The following EBF1 variants were observed in gnomAD, a reference collection of about 807,000 sequenced individuals.
The protein encoded by EBF1 is EBF transcription factor 1, also known as transcription factor COE1.
In EBF1, 10 loss-of-function variants were observed where a neutral mutation model predicts 68.4. The ratio of observed to expected loss-of-function variants is 0.15; its 90% CI spans 0.09 to 0.25. The LOEUF is 0.25. Ranked by LOEUF, EBF1 falls within the 10% of genes least tolerant of loss-of-function variation. The pLI is 1.00. For missense variants in EBF1, 509 were observed against 794.4 expected (o/e 0.64, Z 4.32); for synonymous variants, 298 against 299.8 (o/e 0.99, Z 0.06).
intron 6 of EBF1, among the ~76,000 whole-genome samples, chr5:158,942,416 A>G (rs1466341594): frequency 6.6e-6 from 1 of 152,208 alleles, no homozygotes; most frequent in Non-Finnish European, 1.5e-5. Flanking sequence ...TACAAAGTTT[A>G]TTTATAAATT....
chr5:158,997,221 A>G (rs557837987), intron 6 of EBF1, among the ~76,000 whole-genome samples: 4 of 152,258 alleles, frequency 2.6e-5, no homozygotes, highest in East Asian at 3.9e-4. Flanking sequence ...ACATCTTACA[A>G]GAGTGGGCAG....
chr5:158,835,641 G>C (rs1375297320), intron 7 of EBF1, among the ~76,000 whole-genome samples: 1 of 152,056 alleles, frequency 6.6e-6, no homozygotes, highest in Non-Finnish European at 1.5e-5. Flanking sequence ...TCTCTTTATA[G>C]CCTCACTAAA....
chr5:158,744,859 T>C (rs754442893), intron 10 of EBF1, among the ~76,000 whole-genome samples: 4 of 152,172 alleles, frequency 2.6e-5, no homozygotes, highest in Non-Finnish European at 5.9e-5. Flanking sequence ...TTCCTGTTAG[T>C]ATATTTGGAG....
chr5:159,047,575 C>G (rs546427504), intron 6 of EBF1, among the ~76,000 whole-genome samples: 1 of 152,172 alleles, frequency 6.6e-6, no homozygotes, highest in African/African-American at 2.4e-5. Context: ...ACTGAAGGGA[C>G]AGAGAAATCC....
intron 6 of EBF1, among the ~76,000 whole-genome samples, chr5:158,970,968 CT>C (rs1349104364): frequency 1.3e-5 from 2 of 152,154 alleles, no homozygotes; most frequent in East Asian, 3.8e-4. Flanking sequence ...GGAGGTTCCC[CT>C]GGGACATTTA....
At chr5:158,904,147 C>T (rs1804050306) in intron 6 of EBF1, among the ~76,000 whole-genome samples, 1 of 152,178 alleles carries the variant, frequency 6.6e-6, no homozygotes, top group Non-Finnish European at 1.5e-5. Context: ...TGCCTCAGAG[C>T]TCACAGAGCC....
intron 6 of EBF1, among the ~76,000 whole-genome samples, chr5:158,909,956 TAAAAAAAA>T (rs59274919): frequency 8.6e-4 from 40 of 46,730 alleles, no homozygotes; most frequent in Admixed American, 1.5e-3. Flanking sequence ...ACTCTGTCTA[TAAAAAAAA>T]AAAAAAAAAA....
intron 10 of EBF1, among the ~76,000 whole-genome samples, chr5:158,762,403 T>G (rs1217616038): frequency 6.6e-6 from 1 of 152,246 alleles, no homozygotes; most frequent in Non-Finnish European, 1.5e-5. Flanking sequence ...TGGCCCTTTT[T>G]GGCTTTTCAC....
chr5:159,088,835 A>G (rs1163834469), intron 4 of EBF1, among the ~76,000 whole-genome samples: 6 of 152,166 alleles, frequency 3.9e-5, no homozygotes. Context: ...ATATTATTTA[A>G]GTAAATCAAT....
At chr5:158,760,398 G>A (rs1394070646) in intron 10 of EBF1, among the ~76,000 whole-genome samples, 4 of 152,076 alleles carry the variant, frequency 2.6e-5, no homozygotes, top group African/African-American at 7.2e-5. Flanking sequence ...CATTATATAA[G>A]ATGAAGATCT....
chr5:158,966,112 G>C, intron 6 of EBF1, among the ~76,000 whole-genome samples: 1 of 152,194 alleles, frequency 6.6e-6, no homozygotes, highest in East Asian at 1.9e-4. Flanking sequence ...ATTATTTCTA[G>C]AAGAAGTAAC....
chr5:158,979,567 A>G (rs1374682319), intron 6 of EBF1, among the ~76,000 whole-genome samples: 1 of 152,132 alleles, frequency 6.6e-6, no homozygotes, highest in Non-Finnish European at 1.5e-5. Flanking sequence ...CCACAGGCAA[A>G]GTGCACTTTA....
chr5:158,966,433 T>G (rs1754127132), intron 6 of EBF1, among the ~76,000 whole-genome samples: 1 of 152,128 alleles, frequency 6.6e-6, no homozygotes, highest in Non-Finnish European at 1.5e-5. Context: ...TGCCTTCATT[T>G]CCCCTCTCTA....
At chr5:158,709,949 G>A (rs1758805952) in intron 14 of EBF1, among the ~76,000 whole-genome samples, 1 of 152,000 alleles carries the variant, frequency 6.6e-6, no homozygotes, top group African/African-American at 2.4e-5. Flanking sequence ...TGGGGTGGGG[G>A]GCCAGTTAAC....
chr5:158,708,431 G>A (rs1256401811), intron 14 of EBF1, among the ~76,000 whole-genome samples: 1 of 152,148 alleles, frequency 6.6e-6, no homozygotes, highest in Admixed American at 6.5e-5. Context: ...TAGGCACTAG[G>A]GTCATCAGCA....
chr5:159,071,528 A>G (rs555122236), intron 6 of EBF1, among the ~76,000 whole-genome samples: 2 of 152,348 alleles, frequency 1.3e-5, no homozygotes, highest in South Asian at 4.1e-4. Flanking sequence ...TAGAAGCCAC[A>G]CTAATGCAAT....
In EBF1 at chr5:159,026,568, A is replaced by T. The variant is rs375270914; in HGVS notation, c.554+46828T>A. ...TAGGCTGGCCACCATTGCTCTTACCATCCCAACGAAGTCCAGGCCTTTATT... is the reference window on the plus strand; with the variant it reads ...TAGGCTGGCCACCATTGCTCTTACCTTCCCAACGAAGTCCAGGCCTTTATT... On this transcript the variant is annotated intron_variant, in intron 6 of 15. Transcript: ENST00000313708. 8.2e-4 allele frequency among the ~76,000 whole-genome samples: 125 copies of T among 152,270 alleles called. No individual in the cohort carries two copies. In the Middle Eastern group the frequency reaches 0.01, roughly 12 times the overall value.
chr5:159,094,410 T>A (rs1248431036), intron 4 of EBF1, among the ~76,000 whole-genome samples: 1 of 152,130 alleles, frequency 6.6e-6, no homozygotes, highest in Non-Finnish European at 1.5e-5. Flanking sequence ...ACTCTTGCTT[T>A]CTACTTGTGT....
chr5:158,817,161 A>C (rs1362077017), intron 8 of EBF1, among the ~76,000 whole-genome samples: 3 of 152,096 alleles, frequency 2.0e-5, no homozygotes, highest in African/African-American at 7.2e-5. Context: ...CCTGGGCGCA[A>C]CAGGAGCCCT....
Sources: gnomAD v4.1 joint callset for allele counts (sites outside exome capture counted in the v4.1 genomes callset) on GRCh38, gnomAD v4.1.1 for gene constraint, MANE v1.5 for transcripts, NCBI Gene and HGNC (gene_info 2026-07-23, HGNC 2026-07-21) for gene names.